Variants in SH3PXD2A observed in about 807,000 individuals in gnomAD.
SH3PXD2A encodes SH3 and PX domains 2A.
In SH3PXD2A, 32 loss-of-function variants were observed where a neutral mutation model predicts 115.2. The observed-to-expected ratio is 0.28, with a 90% CI of 0.21 to 0.37. The LOEUF is 0.37. SH3PXD2A is among the 10% of genes least tolerant of loss of function. The pLI is 1.00. For synonymous variants in SH3PXD2A, 610 were observed against 629.1 expected, an observed-to-expected ratio of 0.97 and a Z score of 0.45; for missense variants, 1,328 against 1,498.7, an observed-to-expected ratio of 0.89 and a Z score of 1.88.
At chr10:103,715,499 A>G (rs973405809) in intron 5 of SH3PXD2A, among the ~76,000 whole-genome samples, 4 of 152,160 alleles carry the variant, frequency 2.6e-5, no homozygotes, top group South Asian at 2.1e-4. Context: ...TCTGTCCACA[A>G]CCTTCCATTT....
At position 103,746,777 on chromosome 10, in the gene SH3PXD2A, G is replaced by C. The variant is rs549901095; in HGVS notation, c.230-10969C>G. 6.6e-6 allele frequency: 1 copy of C among 152,432 alleles called. No homozygotes were observed. Among genetic ancestry groups the C allele is most frequent in the East Asian group, 1.9e-4 (1 of 5,184 alleles). The allele number at this position is 152,432 out of a possible 1,614,324, so 9.4% of individuals were successfully genotyped here. A position where few individuals can be genotyped will look rare whatever the true frequency, so the allele number is the denominator to read the frequency against. On this transcript the variant is annotated intron_variant, in intron 3 of 14. Coordinates refer to ENST00000369774, the MANE Select transcript of SH3PXD2A (RefSeq NM_001394015.1). This position sits in a 1 kb window ranked among gnomAD's most constrained non-coding sequence, Gnocchi z 4.4. ...TCTGCCCACGCCACAGACACATCCTGCTCTTCCCCACCTCAGGCCTGTGTG... is the reference window on the plus strand; with the variant it reads ...TCTGCCCACGCCACAGACACATCCTCCTCTTCCCCACCTCAGGCCTGTGTG...
At chr10:103,773,302 CTCAGAAT>C (rs1181832314) in intron 2 of SH3PXD2A, among the ~76,000 whole-genome samples, 9 of 151,836 alleles carry the variant, frequency 5.9e-5, no homozygotes, top group Admixed American at 5.9e-4. Context: ...TGCGGGAAAC[CTCAGAAT>C]TCATTTGTTC....
Position 103,603,431 on chromosome 10 carries a change from G to A in SH3PXD2A, c.1787C>T (p.Ser596Phe), listed in dbSNP as rs1244095931. Residue 596 changes from serine to phenylalanine, a missense_variant, in exon 15 of 15, where the codon TCT becomes TTT. Ser to Phe is a radical substitution (Grantham distance 155). This residue lies in a region of SH3PXD2A where 509 missense variants were observed against 628.3 expected (regional missense o/e 0.81). Transcript: ENST00000369774. ...CTTGAAGCGGGCCCGCTGCAGAGAA[G>A]AGGCCGGCGAGGGCCGGTGGGGCTG... ...PAQPHRPSPA[S>F]SLQRARFKVG... 3 of 1,613,590 alleles carry A rather than the reference G, an allele frequency of 1.9e-6. No individual in the cohort carries two copies. Among genetic ancestry groups the A allele is most frequent in the Non-Finnish European group, 2.5e-6 (3 of 1,179,826 alleles).
chr10:103,851,829 A>C (rs777368938), intron 1 of SH3PXD2A, among the ~76,000 whole-genome samples: 2 of 152,190 alleles, frequency 1.3e-5, no homozygotes, highest in African/African-American at 2.4e-5. Flanking sequence ...GAAATAAACA[A>C]TCAGGAAATA....
At chr10:103,725,695 G>A (rs548191815) in intron 4 of SH3PXD2A, among the ~76,000 whole-genome samples, 128 of 152,138 alleles carry the variant, frequency 8.4e-4, no homozygotes, top group African/African-American at 3.0e-3. Context: ...GTGTGGTGGA[G>A]GGCGCCTGTA....
At chr10:103,683,562 T>C (rs2037638687) in intron 6 of SH3PXD2A, among the ~76,000 whole-genome samples, 1 of 152,060 alleles carries the variant, frequency 6.6e-6, no homozygotes, top group African/African-American at 2.4e-5. Flanking sequence ...CTTGGGAGGA[T>C]GAGGTGGGAA....
intron 1 of SH3PXD2A, among the ~76,000 whole-genome samples, chr10:103,808,188 C>T (rs941085275): frequency 6.6e-6 from 1 of 152,148 alleles, no homozygotes; most frequent in South Asian, 2.1e-4. Context: ...CATCTCCTCC[C>T]TGCTGTGGCC....
In SH3PXD2A at chr10:103,765,248, G is replaced by A. The variant is rs551584288; in HGVS notation, c.229+1846C>T. 9.2e-5 allele frequency among the ~76,000 whole-genome samples: 14 copies of A among 152,230 alleles called. No homozygotes were observed. In the East Asian group the frequency reaches 9.7e-4, roughly 11 times the overall value. ...GGCAGTACACAAGCCTTTGCCCTGC[G>A]TTCCACCCTCCAAGCCTACCCATCC... On this transcript the variant is annotated intron_variant, in intron 3 of 14. Coordinates refer to ENST00000369774, the MANE Select transcript of SH3PXD2A (RefSeq NM_001394015.1).
Position 103,854,119 on chromosome 10 carries a change from C to T in SH3PXD2A, c.72+1076G>A, listed in dbSNP as rs535545244. Among the ~76,000 whole-genome samples, 77 of 152,226 alleles carry T rather than the reference C, an allele frequency of 5.1e-4. 1 individual carries two copies. The highest frequency in any genetic ancestry group is 4.2e-3 in the Admixed American group (64 of 15,282). On this transcript the variant is annotated intron_variant, in intron 1 of 14. Transcript: ENST00000369774. ...GGTGACAAAGGCAAAAAGAGTAGCC[C>T]GAGGCTGACATTGCCACAAACCCCA...
rs1452559590 is a variant in SH3PXD2A, at chr10:103,597,918, T to C, written c.*3898A>G. 6.6e-6 allele frequency: 1 copy of C among 152,386 alleles called. No homozygotes were observed. The highest frequency in any genetic ancestry group is 1.5e-5 in the Non-Finnish European group (1 of 68,024). The allele number at this position is 152,386 out of a possible 1,614,324, so 9.4% of individuals were successfully genotyped here. A position where few individuals can be genotyped will look rare whatever the true frequency, so the allele number is the denominator to read the frequency against. The stretch of plus-strand genomic sequence containing the variant: ...TTTTCCCCTTATTAAAAACAAGAAC[T>C]ACCAAACCAAGGTCTAAACTTAAAT... On this transcript the variant is annotated 3_prime_UTR_variant, in exon 15 of 15. Coordinates refer to ENST00000369774, the MANE Select transcript of SH3PXD2A (RefSeq NM_001394015.1).
chr10:103,627,961 C>T lies in SH3PXD2A; in HGVS notation c.605-759G>A, dbSNP rs114470703. Among the ~76,000 whole-genome samples, 1 of 152,196 alleles carries T rather than the reference C, an allele frequency of 6.6e-6. No individual in the cohort carries two copies. Among genetic ancestry groups the T allele is most frequent in the South Asian group, 2.1e-4 (1 of 4,832 alleles). The stretch of plus-strand genomic sequence containing the variant: ...CTTTGCCCCCAAAAGTGATTTGGTA[C>T]TGATTCTCTTTTCTGCTCATGGCCC... On this transcript the variant is annotated intron_variant, in intron 8 of 14. Coordinates refer to ENST00000369774, the MANE Select transcript of SH3PXD2A (RefSeq NM_001394015.1). The surrounding 1 kb of genome is among the most constrained non-coding windows in gnomAD (Gnocchi z 4.4).
intron 4 of SH3PXD2A, among the ~76,000 whole-genome samples, chr10:103,733,585 A>C (rs2038347981): frequency 6.6e-6 from 1 of 152,236 alleles, no homozygotes; most frequent in South Asian, 2.1e-4. Flanking sequence ...TTTCTAGCTT[A>C]AGGGAATCCA....
intron 5 of SH3PXD2A, among the ~76,000 whole-genome samples, chr10:103,711,049 T>A (rs2038040949): frequency 6.6e-6 from 1 of 151,840 alleles, no homozygotes; most frequent in Admixed American, 6.6e-5. Flanking sequence ...AAAATAATAA[T>A]AAAAAACGGT....
At chr10:103,779,403 C>G (rs895729852) in intron 2 of SH3PXD2A, among the ~76,000 whole-genome samples, 1 of 152,200 alleles carries the variant, frequency 6.6e-6, no homozygotes, top group Admixed American at 6.5e-5. Flanking sequence ...GTGTGCCAGC[C>G]CCGGCTGCTT....
chr10:103,772,678 T>C (rs895622550), intron 2 of SH3PXD2A, among the ~76,000 whole-genome samples: 9 of 152,142 alleles, frequency 5.9e-5, no homozygotes, highest in African/African-American at 2.2e-4. Context: ...ATTCGGCAGC[T>C]CTCCCAGGGC....
chr10:103,601,186 C>G lies in SH3PXD2A; in HGVS notation c.*630G>C, dbSNP rs2036209639. ...TTATGAAAGATGGTCTTTGCTGGCA[C>G]CTGGGAACTGCTTTTTCTTCAACTA... is the stretch of plus-strand genomic sequence containing the variant. On this transcript the variant is annotated 3_prime_UTR_variant, in exon 15 of 15. Transcript: ENST00000369774. 6.6e-6 allele frequency: 1 copy of G among 152,242 alleles called. No homozygotes were observed. The highest frequency in any genetic ancestry group is 2.4e-5 in the African/African-American group (1 of 41,438). 9.4% of individuals were successfully genotyped at this position (152,242 alleles called of 1,614,324 possible). A position where few individuals can be genotyped will look rare whatever the true frequency, so the allele number is the denominator to read the frequency against.
intron 8 of SH3PXD2A, among the ~76,000 whole-genome samples, chr10:103,636,371 TG>T (rs1264492144): frequency 1.4e-5 from 2 of 146,810 alleles, no homozygotes; most frequent in African/African-American, 5.1e-5. Flanking sequence ...ATCGTACCAC[TG>T]CACTCCAGCC....
chr10:103,610,709 T>TA (rs1305937276), intron 13 of SH3PXD2A, among the ~76,000 whole-genome samples: 3 of 152,156 alleles, frequency 2.0e-5, no homozygotes, highest in African/African-American at 7.2e-5. Context: ...AGAGCTGACA[T>TA]AGGAAATGGA....
At chr10:103,645,063 CCT>C (rs1259104416) in intron 8 of SH3PXD2A, among the ~76,000 whole-genome samples, 1 of 152,168 alleles carries the variant, frequency 6.6e-6, no homozygotes, top group Non-Finnish European at 1.5e-5. Context: ...GTGATGTTCC[CCT>C]GACTCCCCTG....
Sources: gnomAD v4.1 joint callset for allele counts (sites outside exome capture counted in the v4.1 genomes callset) on GRCh38, gnomAD v4.1.1 for gene constraint, gnomAD v4.1.1 regional missense constraint, Gnocchi (gnomAD v3.1) non-coding constraint, MANE v1.5 for transcripts, NCBI Gene and HGNC (gene_info 2026-07-23, HGNC 2026-07-21) for gene names.